Variants in CRISP3 observed in about 807,000 individuals in gnomAD.
CRISP3 encodes cysteine rich secretory protein 3.
Under a neutral mutation model 36.1 loss-of-function variants are expected in CRISP3, and 33 were observed. The ratio of observed to expected loss-of-function variants is 0.91; its 90% CI spans 0.69 to 1.22. The LOEUF (loss-of-function observed/expected upper bound fraction) is 1.22, where lower values mean the gene tolerates loss of function less well. Ranked by LOEUF, CRISP3 falls within the 50% of genes most tolerant of loss-of-function variation. The probability of loss-of-function intolerance (pLI) is 0.00; values close to 1 mark genes in which losing one functional copy is unlikely to be tolerated. For missense variants in CRISP3, 330 were observed against 301.2 expected, an observed-to-expected ratio of 1.10 and a Z score of -0.71; for synonymous variants, 117 against 104.6, an observed-to-expected ratio of 1.12 and a Z score of -0.72.
At chr6:49,733,670 T>G (rs753593361) in intron 5 of CRISP3, 33 bp downstream of exon 5, 22 of 1,583,162 alleles carry the variant, frequency 1.4e-5, no homozygotes, top group Admixed American at 5.4e-5. Flanking sequence ...AGGGCACTTA[T>G]AAAGGAGATG....
Position 49,727,740 on chromosome 6 carries a change from C to T in CRISP3, c.*990G>A, listed in dbSNP as rs547973682. The T allele has an allele frequency of 1.9e-4, 29 of 152,098 alleles. No individual in the cohort carries two copies. The highest frequency in any genetic ancestry group is 6.0e-4 in the African/African-American group (25 of 41,500). 9.4% of individuals were successfully genotyped at this position (152,098 alleles called of 1,614,324 possible). On this transcript the variant is annotated 3_prime_UTR_variant, in exon 8 of 8. Transcript: ENST00000263045. ...AGTTTTGAGGAATACTCTAAAATAC[C>T]CCAGGGATATTTTGTAGAATGTCCT...
At chr6:49,733,602 G>T in intron 5 of CRISP3, 101 bp downstream of exon 5, 2 of 1,254,904 alleles carry the variant, frequency 1.6e-6, no homozygotes, top group South Asian at 3.0e-5. Flanking sequence ...ATATTCACTT[G>T]AAATTTTCCC....
At chr6:49,743,992 A>T (rs941464615) in intron 1 of CRISP3, among the ~76,000 whole-genome samples, 5 of 152,128 alleles carry the variant, frequency 3.3e-5, no homozygotes, top group African/African-American at 1.2e-4. Flanking sequence ...ATATATTCAT[A>T]GTTTTTCATT....
At chr6:49,744,027 CA>C (rs1273790709) in intron 1 of CRISP3, among the ~76,000 whole-genome samples, 4 of 151,968 alleles carry the variant, frequency 2.6e-5, no homozygotes, top group Non-Finnish European at 5.9e-5. Flanking sequence ...AGTTCTAGTA[CA>C]ATTGTTTCCA....
chr6:49,737,819 C>G (rs1054661220), intron 1 of CRISP3, among the ~76,000 whole-genome samples: 5 of 152,180 alleles, frequency 3.3e-5, no homozygotes, highest in African/African-American at 9.6e-5. Flanking sequence ...TAAGTGCTGT[C>G]TACACTTTTA....
intron 7 of CRISP3, 131 bp downstream of exon 7, chr6:49,731,032 A>C (rs1768903294): frequency 1.6e-6 from 1 of 610,396 alleles, no homozygotes; most frequent in African/African-American, 1.9e-5. Context: ...ACAGAGCCAG[A>C]CAGACTTTTT....
At chr6:49,736,811 T>C (rs1226860991) in intron 2 of CRISP3, among the ~76,000 whole-genome samples, 2 of 152,158 alleles carry the variant, frequency 1.3e-5, no homozygotes, top group Non-Finnish European at 2.9e-5. Flanking sequence ...TAACATCTTA[T>C]AGTGACAAGG....
intron 1 of CRISP3, among the ~76,000 whole-genome samples, chr6:49,743,107 A>G (rs1177410181): frequency 6.6e-6 from 1 of 152,378 alleles, no homozygotes; most frequent in East Asian, 1.9e-4. Context: ...CAAAACTGCT[A>G]GACTTCATCA....
In CRISP3 at chr6:49,731,187, C is replaced by T. The variant is rs776213160; in HGVS notation, c.625G>A (p.Asp209Asn). ...CTGCATAGTCCATCGTCACAGTTAT[C>T]TGGGCAACTGGCACAAGGTGCTCCT... ...EQGAPCASCP[D>N]NCDDGLCTNG... Residue 209 changes from aspartate to asparagine, a missense_variant, in exon 7 of 8, where the codon GAT becomes AAT. Transcript: ENST00000263045. 27 of 1,609,944 alleles carry T rather than the reference C, an allele frequency of 1.7e-5. No homozygotes were observed. Among genetic ancestry groups the T allele is most frequent in the Non-Finnish European group, 2.1e-5 (25 of 1,177,726 alleles).
Position 49,728,182 on chromosome 6 carries a change from T to C in CRISP3, c.*548A>G, listed in dbSNP as rs1768815727. On this transcript the variant is annotated 3_prime_UTR_variant, in exon 8 of 8. Coordinates refer to ENST00000263045, the MANE Select transcript of CRISP3 (RefSeq NM_006061.4). ...ATTTTGGCAAAATAAAAGTCAGGAT[T>C]GTTTTAGGAGGAACAGCTTCAACTC... The C allele has an allele frequency of 6.6e-6, 1 of 152,210 alleles. No individual in the cohort carries two copies. Among genetic ancestry groups the C allele is most frequent in the Admixed American group, 6.5e-5 (1 of 15,284 alleles). 9.4% of individuals were successfully genotyped at this position (152,210 alleles called of 1,614,324 possible).
intron 1 of CRISP3, 72 bp downstream of exon 1, chr6:49,744,259 G>T: frequency 9.0e-7 from 1 of 1,105,006 alleles, no homozygotes; most frequent in South Asian, 1.5e-5. Flanking sequence ...CTTTATCATT[G>T]ATAAGGTATA....
In CRISP3 at chr6:49,733,716, C is replaced by T. The variant is rs781444205; in HGVS notation, c.449G>A (p.Gly150Glu). The change falls in exon 5 of 8, where the codon GGA becomes GAA. Residue 150 changes from glycine (G) to glutamate (E), a missense_variant. Gly to Glu is a moderately conservative substitution (Grantham distance 98, BLOSUM62 -2). Transcript: ENST00000263045. ...TCTTCTCCTTACCTGTGTATAATGT[C>T]CAACCACTGCGTTGGGAGTCTTTGG... Reference protein sequence around the residue: ...VGPKTPNAVVGHYTQVVWYSS... With the variant: ...VGPKTPNAVVEHYTQVVWYSS... 6 of 1,612,790 alleles carry T rather than the reference C, an allele frequency of 3.7e-6. No individual in the cohort carries two copies. The highest frequency in any genetic ancestry group is 5.1e-6 in the Non-Finnish European group (6 of 1,179,236).
intron 1 of CRISP3, among the ~76,000 whole-genome samples, chr6:49,743,801 C>A (rs1041643090): frequency 6.6e-6 from 1 of 150,728 alleles, no homozygotes; most frequent in African/African-American, 2.4e-5. Context: ...TGTTTTTGAT[C>A]TGAGTGCATT....
chr6:49,737,260 T>C (rs375286089), intron 2 of CRISP3, 65 bp downstream of exon 2: 2 of 1,248,386 alleles, frequency 1.6e-6, no homozygotes, highest in Non-Finnish European at 2.4e-6. Context: ...TGAAGATTGA[T>C]CTAGTAGCTT....
chr6:49,732,489 C>A (rs1768939666), intron 6 of CRISP3, among the ~76,000 whole-genome samples: 1 of 151,964 alleles, frequency 6.6e-6, no homozygotes, highest in South Asian at 2.1e-4. Flanking sequence ...AATATATCCA[C>A]AGATTTTTTT....
chr6:49,743,128 T>C (rs1769249232), intron 1 of CRISP3, among the ~76,000 whole-genome samples: 1 of 152,222 alleles, frequency 6.6e-6, no homozygotes, highest in South Asian at 2.1e-4. Flanking sequence ...AGTAAGAAAT[T>C]CGTAAAGATA....
intron 7 of CRISP3, among the ~76,000 whole-genome samples, 190 bp downstream of exon 7, chr6:49,730,973 C>T (rs536754576): frequency 4.6e-5 from 7 of 152,152 alleles, no homozygotes; most frequent in African/African-American, 7.2e-5. Context: ...TCCCTGCAAG[C>T]GGAGGTTGCA....
rs370138987 is a variant in CRISP3, at chr6:49,741,033, A to G, written c.37+3298T>C. The stretch of plus-strand genomic sequence containing the variant: ...GGAGAATGGCGTGAACTCGGGAGGC[A>G]GAGCTTGCAGTGAGCCGAGATCGCG... On this transcript the variant is annotated intron_variant, in intron 1 of 7. Coordinates refer to ENST00000263045, the MANE Select transcript of CRISP3 (RefSeq NM_006061.4). Among the ~76,000 whole-genome samples the G allele has an allele frequency of 9.2e-5, 14 of 151,790 alleles. No individual in the cohort carries two copies. The South Asian group carries it at 2.3e-3, about 25-fold the overall frequency.
Position 49,735,559 on chromosome 6 carries a change from T to C in CRISP3, c.261A>G (p.Gln87=). The C allele has an allele frequency of 3.7e-6, 6 of 1,612,764 alleles. No homozygotes were observed. Among genetic ancestry groups the C allele is most frequent in the Non-Finnish European group, 5.1e-6 (6 of 1,179,218 alleles). The change falls in exon 4 of 8, where the codon CAA becomes CAG. Residue 87 remains glutamine (Q), a synonymous_variant. Coordinates refer to ENST00000263045, the MANE Select transcript of CRISP3 (RefSeq NM_006061.4). ...TGTAATTGCACTGGTTTGCCCACTT[T>C]TGGGCATTTGCTGCAGCCTCTTTGT... ...EWNKEAAANA[Q]KWANQCNYRH...
Sources: gnomAD v4.1 joint callset for allele counts (sites outside exome capture counted in the v4.1 genomes callset) on GRCh38, gnomAD v4.1.1 for gene constraint, MANE v1.5 for transcripts, NCBI Gene and HGNC (gene_info 2026-07-23, HGNC 2026-07-21) for gene names.